The following FZD3 variants were observed in gnomAD, a reference collection of about 807,000 sequenced individuals.
FZD3 encodes the protein frizzled class receptor 3.
In FZD3, 30 loss-of-function variants were observed where a neutral mutation model predicts 60.7. The ratio of observed to expected loss-of-function variants is 0.49; its 90% CI spans 0.37 to 0.67. FZD3 has a LOEUF of 0.67. FZD3 is among the 30% of genes least tolerant of loss of function. The pLI is 0.00. For synonymous variants in FZD3, 246 were observed against 275.2 expected, an observed-to-expected ratio of 0.89 and a Z score of 1.05; for missense variants, 605 against 838.7, an observed-to-expected ratio of 0.72 and a Z score of 3.44.
chr8:28,561,528 A>G (rs1394805250), intron 7 of FZD3, among the ~76,000 whole-genome samples: 1 of 151,962 alleles, frequency 6.6e-6, no homozygotes, highest in Non-Finnish European at 1.5e-5. Flanking sequence ...TTGTGAAGGA[A>G]TGGTGGATTA....
At chr8:28,517,842 T>C (rs1169632808) in intron 3 of FZD3, among the ~76,000 whole-genome samples, 2 of 152,220 alleles carry the variant, frequency 1.3e-5, no homozygotes, top group African/African-American at 4.8e-5. Flanking sequence ...TTAACTCTAA[T>C]AGCTGGATCA....
rs939220034 is a variant in FZD3 at position 28,568,518 on chromosome 8, T to C, written c.*5507T>C. ...TCAAATTGATATAGGATTACAATTT[T>C]CTCTCAGGATCCAAGTCTTCTAAGA... On this transcript the variant is annotated 3_prime_UTR_variant, in exon 8 of 8. Transcript: ENST00000240093. The C allele has an allele frequency of 2.0e-5, 3 of 152,094 alleles. No homozygotes were observed. Among genetic ancestry groups the C allele is most frequent in the Non-Finnish European group, 2.9e-5 (2 of 67,974 alleles). 9.4% of individuals were successfully genotyped at this position (152,094 alleles called of 1,614,324 possible). A position where few individuals can be genotyped will look rare whatever the true frequency, so the allele number is the denominator to read the frequency against.
intron 3 of FZD3, among the ~76,000 whole-genome samples, chr8:28,518,390 C>G (rs978975754): frequency 6.6e-5 from 10 of 152,122 alleles, no homozygotes; most frequent in African/African-American, 2.2e-4. Flanking sequence ...AGTAACTGAG[C>G]TGAGTAGAGG....
intron 5 of FZD3, among the ~76,000 whole-genome samples, chr8:28,532,075 T>C (rs1244251839): frequency 6.6e-6 from 1 of 152,248 alleles, no homozygotes; most frequent in East Asian, 1.9e-4. Flanking sequence ...ATGTGCTTTC[T>C]GCATCATTTA....
chr8:28,501,114 T>C (rs1380820752), intron 2 of FZD3, among the ~76,000 whole-genome samples: 1 of 152,172 alleles, frequency 6.6e-6, no homozygotes, highest in Admixed American at 6.6e-5. Flanking sequence ...AAAAGAAATA[T>C]GGCAGGCCAA....
At position 28,562,965 on chromosome 8, in the gene FZD3, G is replaced by A. The variant is rs1585197362; in HGVS notation, c.1955G>A (p.Gly652Asp). Reference sequence around the variant, plus strand: ...AATCCCATGACTCATATCACACATGGCACCAGCATGAATCGGGTTATTGAA... The same window carrying A: ...AATCCCATGACTCATATCACACATGACACCAGCATGAATCGGGTTATTGAA... The part of the protein sequence containing the change: ...SNNPMTHITH[G>D]TSMNRVIEED... The change falls in exon 8 of 8, where the codon GGC becomes GAC. Residue 652 changes from glycine (G) to aspartate (D), a missense_variant. Transcript: ENST00000240093. The A allele has an allele frequency of 6.2e-7, 1 of 1,613,458 alleles. No individual in the cohort carries two copies. The highest frequency in any genetic ancestry group is 1.1e-5 in the South Asian group (1 of 91,068).
At position 28,569,176 on chromosome 8, in the gene FZD3, T is replaced by C. The variant is rs1805758273; in HGVS notation, c.*6165T>C. On this transcript the variant is annotated 3_prime_UTR_variant, in exon 8 of 8. Transcript: ENST00000240093. ...TTGCAGATATTTCTTTGTGTTGTGC[T>C]TATTGGTTTTTTTTTTTAACTTAGA... 1.7e-5 allele frequency: 2 copies of C among 114,662 alleles called. No homozygotes were observed. Among genetic ancestry groups the C allele is most frequent in the Admixed American group, 9.5e-5 (1 of 10,552 alleles). The allele number at this position is 114,662 out of a possible 1,614,324, so 7.1% of individuals were successfully genotyped here. A position where few individuals can be genotyped will look rare whatever the true frequency, so the allele number is the denominator to read the frequency against.
intron 5 of FZD3, among the ~76,000 whole-genome samples, chr8:28,542,562 C>T (rs1194781909): frequency 6.6e-6 from 1 of 152,108 alleles, no homozygotes; most frequent in Non-Finnish European, 1.5e-5. Context: ...CGCTTGAACC[C>T]AGGAGGCAGA....
rs1805658879 is a variant in FZD3 at position 28,563,802 on chromosome 8, A to G, written c.*791A>G. 6.5e-6 allele frequency: 1 copy of G among 152,678 alleles called. No individual in the cohort carries two copies. The highest frequency in any genetic ancestry group is 6.5e-5 in the Admixed American group (1 of 15,294). 9.5% of individuals were successfully genotyped at this position (152,678 alleles called of 1,614,324 possible). A position where few individuals can be genotyped will look rare whatever the true frequency, so the allele number is the denominator to read the frequency against. On this transcript the variant is annotated 3_prime_UTR_variant, in exon 8 of 8. Coordinates refer to ENST00000240093, the MANE Select transcript of FZD3 (RefSeq NM_017412.4). ...TAGCCATCTTTTCCCATGTAATAGT[A>G]TTGATTCATAGAGAACTTAATGTTC...
At chr8:28,562,241 G>T (rs1455959471) in intron 7 of FZD3, among the ~76,000 whole-genome samples, 4 of 152,096 alleles carry the variant, frequency 2.6e-5, no homozygotes, top group Non-Finnish European at 4.4e-5. Context: ...TAATTCAGTT[G>T]TTAACTGGGC....
rs1308204220 is a variant in FZD3 at position 28,569,036 on chromosome 8, A to C, written c.*6025A>C. 6.6e-6 allele frequency: 1 copy of C among 152,082 alleles called. No homozygotes were observed. The highest frequency in any genetic ancestry group is 2.4e-5 in the African/African-American group (1 of 41,436). The allele number at this position is 152,082 out of a possible 1,614,324, so 9.4% of individuals were successfully genotyped here. A position where few individuals can be genotyped will look rare whatever the true frequency, so the allele number is the denominator to read the frequency against. On this transcript the variant is annotated 3_prime_UTR_variant, in exon 8 of 8. Transcript: ENST00000240093. ...CATTAACTAGTAAAGTTAGTTTTTA[A>C]AGTTTTTTTAAGGTTGATATTTTAT...
At chr8:28,502,246 A>C (rs1804014731) in intron 2 of FZD3, among the ~76,000 whole-genome samples, 1 of 152,166 alleles carries the variant, frequency 6.6e-6, no homozygotes, top group Admixed American at 6.5e-5. Flanking sequence ...TACATCAGTT[A>C]ATACAAAAAT....
intron 4 of FZD3, among the ~76,000 whole-genome samples, chr8:28,521,963 T>C (rs901573156): frequency 2.0e-5 from 3 of 152,350 alleles, no homozygotes; most frequent in Non-Finnish European, 4.4e-5. Flanking sequence ...GTTGTTACTC[T>C]TACTTGACAG....
At position 28,517,035 on chromosome 8, in the gene FZD3, T is replaced by TC. The variant is rs1046843159; in HGVS notation, c.190-3600dup. 2.1e-3 allele frequency among the ~76,000 whole-genome samples: 313 copies of TC among 152,348 alleles called. 1 individual carries two copies. Among genetic ancestry groups the TC allele is most frequent in the African/African-American group, 7.1e-3 (295 of 41,594 alleles). ...TGGCACAGAGTATTCATTTATATTTTCCCACAGTCATCCCTTTTGTTGCTC... is the reference window on the plus strand; with the variant it reads ...TGGCACAGAGTATTCATTTATATTTTCCCCACAGTCATCCCTTTTGTTGCTC... On this transcript the variant is annotated intron_variant, in intron 3 of 7. Coordinates refer to ENST00000240093, the MANE Select transcript of FZD3 (RefSeq NM_017412.4).
At chr8:28,546,593 C>CG (rs1805298409) in intron 5 of FZD3, among the ~76,000 whole-genome samples, 1 of 152,038 alleles carries the variant, frequency 6.6e-6, no homozygotes, top group Non-Finnish European at 1.5e-5. Flanking sequence ...AGGGTGTTTC[C>CG]CAATGCCCCA....
intron 5 of FZD3, among the ~76,000 whole-genome samples, chr8:28,530,982 A>T (rs1268341610): frequency 6.6e-6 from 1 of 152,154 alleles, no homozygotes; most frequent in Non-Finnish European, 1.5e-5. Context: ...ATATATAGAG[A>T]TATAGAAAAT....
chr8:28,534,190 C>T (rs989969097), intron 5 of FZD3, among the ~76,000 whole-genome samples: 4 of 152,146 alleles, frequency 2.6e-5, no homozygotes, highest in South Asian at 2.1e-4. Context: ...AGAAGACCAG[C>T]GACCTGTTTT....
rs1382394795 is a variant in FZD3 at position 28,565,457 on chromosome 8, G to A, written c.*2446G>A. 1 of 152,140 alleles carries A rather than the reference G, an allele frequency of 6.6e-6. No individual in the cohort carries two copies. Among genetic ancestry groups the A allele is most frequent in the African/African-American group, 2.4e-5 (1 of 41,434 alleles). The allele number at this position is 152,140 out of a possible 1,614,324, so 9.4% of individuals were successfully genotyped here. On this transcript the variant is annotated 3_prime_UTR_variant, in exon 8 of 8. Coordinates refer to ENST00000240093, the MANE Select transcript of FZD3 (RefSeq NM_017412.4). The stretch of plus-strand genomic sequence containing the variant: ...AACAAACATTCACAAACAAAAATAA[G>A]TTAAAATAGAAGGTACCAGTTTGGG...
chr8:28,536,206 G>A (rs1482812470), intron 5 of FZD3, among the ~76,000 whole-genome samples: 2 of 152,004 alleles, frequency 1.3e-5, no homozygotes, highest in South Asian at 2.1e-4. Flanking sequence ...TTTAAACATC[G>A]ATTTTGAAAA....
Sources: allele counts gnomAD v4.1 joint callset (sites outside exome capture counted in the v4.1 genomes callset), GRCh38; gene constraint gnomAD v4.1.1; transcripts MANE v1.5; gene names NCBI Gene and HGNC (gene_info 2026-07-23, HGNC 2026-07-21).